The following MSRA variants were observed in gnomAD, a reference collection of about 807,000 sequenced individuals.
The protein encoded by MSRA is mitochondrial peptide methionine sulfoxide reductase.
Under a neutral mutation model 31.3 loss-of-function variants are expected in MSRA, and 54 were observed. The observed-to-expected ratio is 1.73, with a 90% CI of 1.39 to 2.17. MSRA has a LOEUF of 2.17. Ranked by LOEUF, MSRA falls within the 30% of genes most tolerant of loss-of-function variation. MSRA has a pLI of 0.00. For synonymous variants in MSRA, 169 were observed against 116.5 expected (o/e 1.45, Z -2.90); for missense variants, 507 against 300.9 (o/e 1.69, Z -5.07).
chr8:10,245,173 G>GT lies in MSRA; in HGVS notation c.285dup (p.Ala96CysfsTer11), dbSNP rs1328652444. 1 of 1,613,830 alleles carries GT rather than the reference G, an allele frequency of 6.2e-7. No homozygotes were observed. On this transcript the variant is annotated frameshift_variant, in exon 3 of 6. Coordinates refer to ENST00000317173, the MANE Select transcript of MSRA (RefSeq NM_012331.5). LOFTEE classifies it high-confidence loss of function. ...AAAGGAGTGTATTCAACTCAAGTTGGTTTTGCAGGAGGCTATACTTCAAAT... is the reference window on the plus strand; with the variant it reads ...AAAGGAGTGTATTCAACTCAAGTTGGTTTTTGCAGGAGGCTATACTTCAAAT...
chr8:10,104,318 A>G (rs556775427), intron 1 of MSRA, among the ~76,000 whole-genome samples: 1 of 152,204 alleles, frequency 6.6e-6, no homozygotes, highest in Non-Finnish European at 1.5e-5. Flanking sequence ...CAATTTAGAA[A>G]GTTTATTTTG....
intron 1 of MSRA, among the ~76,000 whole-genome samples, chr8:10,090,942 A>G (rs1039635942): frequency 1.3e-5 from 2 of 152,212 alleles, no homozygotes; most frequent in Non-Finnish European, 2.9e-5. Flanking sequence ...GCTGCTGAAC[A>G]TGGGGATTGT....
intron 5 of MSRA, among the ~76,000 whole-genome samples, chr8:10,383,753 A>C (rs1483768656): frequency 6.6e-6 from 1 of 152,194 alleles, no homozygotes; most frequent in Admixed American, 6.5e-5. Flanking sequence ...TGCATTGGGA[A>C]ACTGTAGGGT....
At chr8:10,312,360 C>G (rs1801478899) in intron 4 of MSRA, among the ~76,000 whole-genome samples, 4 of 152,026 alleles carry the variant, frequency 2.6e-5, no homozygotes. Flanking sequence ...TTTACAGAAA[C>G]CAGGAAGATA....
At chr8:10,370,062 T>C (rs1191189517) in intron 5 of MSRA, among the ~76,000 whole-genome samples, 1 of 152,232 alleles carries the variant, frequency 6.6e-6, no homozygotes, top group Non-Finnish European at 1.5e-5. Context: ...TAAACTTTTG[T>C]TTTGCCATCA....
intron 2 of MSRA, among the ~76,000 whole-genome samples, chr8:10,223,584 T>C (rs1810714143): frequency 6.6e-6 from 1 of 152,166 alleles, no homozygotes; most frequent in African/African-American, 2.4e-5. Context: ...ACTATTGTTA[T>C]GGAATGAACA....
intron 3 of MSRA, among the ~76,000 whole-genome samples, chr8:10,261,920 G>A (rs761871367): frequency 2.0e-5 from 3 of 152,228 alleles, no homozygotes; most frequent in East Asian, 1.9e-4. Flanking sequence ...TGATAGTTCC[G>A]CCTTTTCCAG....
intron 3 of MSRA, among the ~76,000 whole-genome samples, chr8:10,254,640 G>A (rs1798085006): frequency 6.6e-6 from 1 of 152,184 alleles, no homozygotes; most frequent in South Asian, 2.1e-4. Context: ...AGAGACACTT[G>A]CACAGTTAGT....
chr8:10,384,063 A>G (rs912602731), intron 5 of MSRA, among the ~76,000 whole-genome samples: 1 of 152,126 alleles, frequency 6.6e-6, no homozygotes, highest in African/African-American at 2.4e-5. Flanking sequence ...GAAGCCATAC[A>G]GTAAAATACT....
At chr8:10,323,852 A>C (rs1802205168) in intron 5 of MSRA, among the ~76,000 whole-genome samples, 1 of 151,716 alleles carries the variant, frequency 6.6e-6, no homozygotes, top group Admixed American at 6.6e-5. Flanking sequence ...TTTTTAAATA[A>C]AGATTGGGAC....
intron 4 of MSRA, among the ~76,000 whole-genome samples, chr8:10,302,387 A>G (rs1800895193): frequency 6.6e-6 from 1 of 152,392 alleles, no homozygotes; most frequent in Admixed American, 6.5e-5. Context: ...GAAAAGTCCT[A>G]TGCAATAGAT....
intron 1 of MSRA, among the ~76,000 whole-genome samples, chr8:10,136,993 C>T (rs963210591): frequency 3.3e-5 from 5 of 152,140 alleles, no homozygotes; most frequent in Admixed American, 1.3e-4. Flanking sequence ...GCCTCTTTAC[C>T]ATATAGATAG....
chr8:10,352,059 T>G (rs531380280), intron 5 of MSRA, among the ~76,000 whole-genome samples: 1 of 152,188 alleles, frequency 6.6e-6, no homozygotes, highest in Non-Finnish European at 1.5e-5. Flanking sequence ...TATGGGAGTT[T>G]GGAGAAGAGA....
At chr8:10,190,984 T>G in intron 1 of MSRA, among the ~76,000 whole-genome samples, 1 of 152,188 alleles carries the variant, frequency 6.6e-6, no homozygotes, top group East Asian at 1.9e-4. Context: ...AGCATTAGTT[T>G]TCTGGTGTCT....
intron 1 of MSRA, among the ~76,000 whole-genome samples, chr8:10,166,990 T>A (rs539324149): frequency 1.3e-5 from 2 of 152,304 alleles, no homozygotes; most frequent in African/African-American, 4.8e-5. Flanking sequence ...GAGAAGAGGA[T>A]GAGGTGACAT....
At chr8:10,160,913 TA>T (rs1450789158) in intron 1 of MSRA, among the ~76,000 whole-genome samples, 1 of 152,246 alleles carries the variant, frequency 6.6e-6, no homozygotes, top group African/African-American at 2.4e-5. Context: ...TGTTCTAGAA[TA>T]AATGCAAGTA....
intron 4 of MSRA, among the ~76,000 whole-genome samples, chr8:10,309,206 C>G (rs1399937950): frequency 6.6e-6 from 1 of 152,258 alleles, no homozygotes; most frequent in Non-Finnish European, 1.5e-5. Context: ...TCTGACTCCT[C>G]TAGAAGGTGG....
intron 1 of MSRA, among the ~76,000 whole-genome samples, chr8:10,069,730 C>G (rs1797639441): frequency 6.6e-6 from 1 of 152,196 alleles, no homozygotes; most frequent in Admixed American, 6.5e-5. Flanking sequence ...GGTACCTCCT[C>G]TTAGTACCAT....
At chr8:10,293,849 C>T (rs992576660) in intron 3 of MSRA, among the ~76,000 whole-genome samples, 18 of 152,178 alleles carry the variant, frequency 1.2e-4, no homozygotes, top group African/African-American at 3.9e-4. Flanking sequence ...AGGCTGAGAG[C>T]TGGCTACTCA....
Sources: allele counts gnomAD v4.1 joint callset (sites outside exome capture counted in the v4.1 genomes callset), GRCh38; gene constraint gnomAD v4.1.1; transcripts MANE v1.5; gene names NCBI Gene and HGNC (gene_info 2026-07-23, HGNC 2026-07-21).